RUVBL1: variants seen among roughly 807,000 people sequenced by gnomAD.
RUVBL1 encodes ruvB-like 1.
RUVBL1 carries 4 observed loss-of-function variants against 52.4 expected under a neutral mutation model. The ratio of observed to expected loss-of-function variants is 0.08; its 90% CI spans 0.04 to 0.17. The LOEUF is 0.17. Ranked by LOEUF, RUVBL1 falls within the 10% of genes least tolerant of loss-of-function variation. The pLI is 1.00. For synonymous variants in RUVBL1, 217 were observed against 214.4 expected, an observed-to-expected ratio of 1.01 and a Z score of -0.10; for missense variants, 298 against 572.8, an observed-to-expected ratio of 0.52 and a Z score of 4.90.
Position 128,097,470 on chromosome 3 carries a change from C to A in RUVBL1, c.846G>T (p.Val282=). The A allele has an allele frequency of 6.2e-7, 1 of 1,614,174 alleles. No homozygotes were observed. The highest frequency in any genetic ancestry group is 2.2e-5 in the East Asian group (1 of 44,884). ...TDKLRGEINK[V]VNKYIDQGIA... ...TGCCCTGGTCGATGTACTTGTTCACCACCTTATTAATCTCCCCTCGAAGTT... is the reference window on the plus strand; with the variant it reads ...TGCCCTGGTCGATGTACTTGTTCACAACCTTATTAATCTCCCCTCGAAGTT... The change falls in exon 8 of 11, where the codon GTG becomes GTT. Residue 282 remains valine (V), a synonymous_variant. Coordinates refer to ENST00000322623, the MANE Select transcript of RUVBL1 (RefSeq NM_003707.3).
exon 10 of RUVBL1, chr3:128,065,140 T>C: frequency 8.0e-7 from 1 of 1,252,586 alleles, no homozygotes; most frequent in Non-Finnish European, 1.2e-6. Flanking sequence ...GTCATCATAT[T>C]GTGTTGAAAC....
In RUVBL1 at chr3:128,081,464, C is replaced by A. The variant is rs1576438902; in HGVS notation, c.1212-55G>T. On this transcript the variant is annotated intron_variant, in intron 10 of 10. Coordinates refer to ENST00000322623, the MANE Select transcript of RUVBL1 (RefSeq NM_003707.3). The surrounding 1 kb of genome is among the most constrained non-coding windows in gnomAD (Gnocchi z 4.8). Reference sequence around the variant, plus strand: ...GAAACTGGGGCCACCGAAGAAAGCACCTTCCCCCCACATCAGTAGGCAGCA... The same window carrying A: ...GAAACTGGGGCCACCGAAGAAAGCAACTTCCCCCCACATCAGTAGGCAGCA... 2.6e-6 allele frequency: 4 copies of A among 1,560,488 alleles called. No homozygotes were observed. The African/African-American group carries it at 5.4e-5, about 21-fold the overall frequency.
At chr3:128,105,865 CTTTTTTT>C (rs11311563) in intron 3 of RUVBL1, among the ~76,000 whole-genome samples, 1 of 88,912 alleles carries the variant, frequency 1.1e-5, no homozygotes, top group Non-Finnish European at 2.2e-5. Flanking sequence ...TTCCCTTTTT[CTTTTTTT>C]TTTTTTTTTT....
intron 8 of RUVBL1, among the ~76,000 whole-genome samples, chr3:128,091,039 T>C (rs2107680033): frequency 6.6e-6 from 1 of 152,382 alleles, no homozygotes; most frequent in African/African-American, 2.4e-5. Flanking sequence ...ATTAAAAGGC[T>C]ACCAAGTGGT....
exon 1 of RUVBL1, chr3:128,153,600 C>G: frequency 6.3e-7 from 1 of 1,591,266 alleles, no homozygotes; most frequent in Non-Finnish European, 8.5e-7. Flanking sequence ...GCACCACAGC[C>G]TCCACCGCCG....
At chr3:128,104,194 T>C (rs1455943065) in intron 4 of RUVBL1, among the ~76,000 whole-genome samples, 3 of 152,164 alleles carry the variant, frequency 2.0e-5, no homozygotes, top group Non-Finnish European at 4.4e-5. Context: ...ACAGGACAGG[T>C]GGCTGAGGAC....
At chr3:128,135,955 A>G (rs1943941782) in intron 1 of RUVBL1, among the ~76,000 whole-genome samples, 1 of 152,156 alleles carries the variant, frequency 6.6e-6, no homozygotes, top group East Asian at 1.9e-4. Flanking sequence ...AAAAGTTAAA[A>G]AGCAGGGGGA....
intron 1 of RUVBL1, among the ~76,000 whole-genome samples, chr3:128,150,928 A>ATATTCTATATATTATATATATT (rs1559841690): frequency 1.5e-5 from 1 of 67,180 alleles, no homozygotes; most frequent in Non-Finnish European, 2.5e-5. Context: ...TTATATATAT[A>ATATTCTATATATTATATATATT]ATATATTCTA....
At position 128,087,721 on chromosome 3, in the gene RUVBL1, T is replaced by C. The variant is rs2107676000; in HGVS notation, c.1104A>G (p.Pro368=). 2 of 1,613,128 alleles carry C rather than the reference T, an allele frequency of 1.2e-6. No individual in the cohort carries two copies. Among genetic ancestry groups the C allele is most frequent in the East Asian group, 2.2e-5 (1 of 44,824 alleles). Residue 368 remains proline (P), a synonymous_variant, in exon 9 of 11, where the codon CCA becomes CCG. Transcript: ENST00000322623. ...VMIIRTMLYT[P]QEMKQIIKIR... ...GGAGGCTCACCTGTTTCATTTCCTG[T>C]GGAGTATACAGCATGGTCCGGATTA... is the stretch of plus-strand genomic sequence containing the variant.
At chr3:128,112,574 GT>G (rs1195881203) in intron 3 of RUVBL1, among the ~76,000 whole-genome samples, 1 of 152,148 alleles carries the variant, frequency 6.6e-6, no homozygotes. Context: ...TCAGTGGATA[GT>G]CATCTCTAAT....
At chr3:128,149,337 A>C (rs1021466705) in intron 1 of RUVBL1, among the ~76,000 whole-genome samples, 6 of 151,974 alleles carry the variant, frequency 3.9e-5, no homozygotes, top group Non-Finnish European at 7.4e-5. Context: ...GGCATGCACC[A>C]CCATGCCTGG....
At chr3:128,153,756 G>A in exon 1 of RUVBL1, 1 of 1,545,862 alleles carries the variant, frequency 6.5e-7, no homozygotes, top group Middle Eastern at 1.7e-4. Context: ...AGCCCGGCGA[G>A]CCACTGCTTC....
chr3:128,072,545 G>C (rs12695504), intron 9 of RUVBL1, among the ~76,000 whole-genome samples: 36,126 of 152,144 alleles, frequency 0.24, 4,362 homozygotes, highest in South Asian at 0.27. Context: ...ACTGTGTTTT[G>C]AGACTGCTAG....
chr3:128,101,796 A>G (rs1477968497), intron 4 of RUVBL1, 148 bp from the exon 5 acceptor site: 3 of 734,822 alleles, frequency 4.1e-6, no homozygotes, highest in South Asian at 3.3e-5. Context: ...TGGGACCTGC[A>G]GGAGTGTGAA....
chr3:128,076,706 T>G (rs556185120), downstream of RUVBL1, among the ~76,000 whole-genome samples: 1 of 151,774 alleles, frequency 6.6e-6, no homozygotes, highest in African/African-American at 2.4e-5. This position sits in a 1 kb window ranked among gnomAD's most constrained non-coding sequence, Gnocchi z 6.8. Context: ...ACCCACTACA[T>G]ACACACGCGC....
At chr3:128,102,128 T>G (rs1381922499) in intron 4 of RUVBL1, among the ~76,000 whole-genome samples, 1 of 152,218 alleles carries the variant, frequency 6.6e-6, no homozygotes, top group African/African-American at 2.4e-5. Context: ...ACAACTGAAG[T>G]ACCTGCCAGC....
At chr3:128,100,138 TA>T (rs1437718384) in intron 6 of RUVBL1, among the ~76,000 whole-genome samples, 1 of 152,212 alleles carries the variant, frequency 6.6e-6, no homozygotes, top group Non-Finnish European at 1.5e-5. Flanking sequence ...AGCCAAGGCA[TA>T]AGTATCCATC....
intron 8 of RUVBL1, among the ~76,000 whole-genome samples, chr3:128,088,327 G>A (rs1942717014): frequency 6.7e-6 from 1 of 149,586 alleles, no homozygotes; most frequent in African/African-American, 2.5e-5. Context: ...AGCAAAACTG[G>A]GAAGGAGGAA....
chr3:128,147,841 C>T lies in RUVBL1; in HGVS notation c.-40+5362G>A, dbSNP rs754867539. On this transcript the variant is annotated intron_variant, in intron 1 of 9. Coordinates refer to the RUVBL1 transcript ENST00000464873. ...TAATAGCCAAAACCTGGAAACAACCCAAATGCCCTTCAACAGGTGACTGGG... is the reference window on the plus strand; with the variant it reads ...TAATAGCCAAAACCTGGAAACAACCTAAATGCCCTTCAACAGGTGACTGGG... 4.5e-4 allele frequency among the ~76,000 whole-genome samples: 69 copies of T among 152,160 alleles called. 1 individual carries two copies. The highest frequency in any genetic ancestry group is 7.3e-5 in the Non-Finnish European group (5 of 68,028).
Sources: allele counts gnomAD v4.1 joint callset (sites outside exome capture counted in the v4.1 genomes callset), GRCh38; gene constraint gnomAD v4.1.1; non-coding constraint Gnocchi (gnomAD v3.1); transcripts MANE v1.5; gene names NCBI Gene and HGNC (gene_info 2026-07-23, HGNC 2026-07-21).